Variants in DNAAF11 observed in about 807,000 individuals in gnomAD.
The protein encoded by DNAAF11 is leucine rich repeat containing 6.
DNAAF11 carries 45 observed loss-of-function variants against 60.8 expected under a neutral mutation model. That is an observed-to-expected ratio of 0.74 (90% CI 0.58 to 0.95). The LOEUF (loss-of-function observed/expected upper bound fraction) is 0.95. Among genes scored for constraint, DNAAF11 ranks in the 40% least tolerant of loss-of-function variants. DNAAF11 has a pLI of 0.00. For missense variants in DNAAF11, 546 were observed against 546.2 expected, an observed-to-expected ratio of 1.00 and a Z score of 0.00; for synonymous variants, 191 against 183.5, an observed-to-expected ratio of 1.04 and a Z score of -0.33.
At chr8:132,582,693 A>T (rs1356910216) in intron 11 of DNAAF11, among the ~76,000 whole-genome samples, 1 of 152,248 alleles carries the variant, frequency 6.6e-6, no homozygotes, top group African/African-American at 2.4e-5. Context: ...ACAAAACTTC[A>T]GCAGTTGTCT....
chr8:132,590,961 A>G (rs1225594349), intron 10 of DNAAF11, among the ~76,000 whole-genome samples: 1 of 152,204 alleles, frequency 6.6e-6, no homozygotes, highest in African/African-American at 2.4e-5. Flanking sequence ...ATAACACTCC[A>G]TTTTATGTGT....
Position 132,602,744 on chromosome 8 carries a change from A to AATATAT in DNAAF11, c.1140+7416_1140+7421dup, listed in dbSNP as rs35316805. Among the ~76,000 whole-genome samples, 1,279 of 141,832 alleles carry AATATAT rather than the reference A, an allele frequency of 9.0e-3. 11 individuals carry two copies. Among genetic ancestry groups the AATATAT allele is most frequent in the African/African-American group, 0.029 (1,116 of 38,828 alleles). 93.0% of individuals were successfully genotyped at this position (141,832 alleles called of 152,430 possible). A position where few individuals can be genotyped will look rare whatever the true frequency, so the allele number is the denominator to read the frequency against. On this transcript the variant is annotated intron_variant, in intron 10 of 11. Coordinates refer to ENST00000620350, the MANE Select transcript of DNAAF11 (RefSeq NM_012472.6). ...TTTGCATACTGGATACTTAATTTGA[A>AATATAT]ATATATATATATATATATATATATA...
chr8:132,622,589 C>T (rs566223077), intron 7 of DNAAF11, 22 bp downstream of exon 7: 136 of 1,593,616 alleles, frequency 8.5e-5, no homozygotes, highest in East Asian at 3.6e-4. Flanking sequence ...GGGTCTTTAA[C>T]GCTCTATTTG....
At chr8:132,698,989 C>A in the DNAAF11 span, among the ~76,000 whole-genome samples, 1 of 144,736 alleles carries the variant, frequency 6.9e-6, no homozygotes, top group African/African-American at 2.7e-5. Flanking sequence ...ATTAGCCGGG[C>A]GCCATGGCAG....
At chr8:132,614,890 TATAGTAACTTCTCTGTCTTAACAA>T (rs1818991938) in intron 8 of DNAAF11, 124 bp downstream of exon 8, 1 of 496,588 alleles carries the variant, frequency 2.0e-6, no homozygotes, top group Non-Finnish European at 3.6e-6. Context: ...TTTTAAAAAT[TATAGTAACTTCTCTGTCTTAACAA>T]ATAAGCTTCA....
intron 10 of DNAAF11, among the ~76,000 whole-genome samples, chr8:132,596,940 T>C (rs540083710): frequency 6.6e-6 from 1 of 152,260 alleles, no homozygotes; most frequent in South Asian, 2.1e-4. Flanking sequence ...CTTGAATTGT[T>C]GTCTGATGTT....
At chr8:132,580,503 T>C (rs1815211828) in intron 11 of DNAAF11, among the ~76,000 whole-genome samples, 1 of 152,200 alleles carries the variant, frequency 6.6e-6, no homozygotes, top group African/African-American at 2.4e-5. Context: ...TGCCACCGAA[T>C]TGTACACTTT....
rs145267985 is a variant in DNAAF11, at chr8:132,645,630, C to T, written c.257-7523G>A. Reference sequence around the variant, plus strand: ...ACAAATGGCTAACTAGAATAAACAGCGTAGAGAAGACCTTAAATGACCTGA... The same window carrying T: ...ACAAATGGCTAACTAGAATAAACAGTGTAGAGAAGACCTTAAATGACCTGA... On this transcript the variant is annotated intron_variant, in intron 3 of 11. Coordinates refer to ENST00000620350, the MANE Select transcript of DNAAF11 (RefSeq NM_012472.6). Among the ~76,000 whole-genome samples the T allele has an allele frequency of 2.7e-3, 405 of 152,006 alleles. 1 individual carries two copies. Among genetic ancestry groups the T allele is most frequent in the African/African-American group, 9.0e-3 (372 of 41,456 alleles).
intron 10 of DNAAF11, 44 bp downstream of exon 10, chr8:132,610,122 C>T: frequency 7.2e-7 from 1 of 1,390,224 alleles, no homozygotes; most frequent in Non-Finnish European, 1.0e-6. Context: ...CCTTCAGGAA[C>T]CCTCATATCC....
At position 132,570,676 on chromosome 8, in the gene DNAAF11, G is replaced by A. The variant is rs996667141; in HGVS notation, c.*1630C>T. Among the ~76,000 whole-genome samples the A allele has an allele frequency of 2.6e-5, 4 of 152,148 alleles. No homozygotes were observed. The highest frequency in any genetic ancestry group is 2.9e-5 in the Non-Finnish European group (2 of 68,036). The stretch of plus-strand genomic sequence containing the variant: ...TTATACTCAGTCATTGCCATCAGTC[G>A]CAGTGATGGACAGATGCAGAGGGAC... On this transcript the variant is annotated 3_prime_UTR_variant, in exon 12 of 12. Coordinates refer to ENST00000620350, the MANE Select transcript of DNAAF11 (RefSeq NM_012472.6).
chr8:132,593,801 G>T (rs1816721698), intron 10 of DNAAF11, among the ~76,000 whole-genome samples: 1 of 151,854 alleles, frequency 6.6e-6, no homozygotes. Context: ...AACTCAATGG[G>T]AAAGTAAAAT....
intron 3 of DNAAF11, among the ~76,000 whole-genome samples, chr8:132,652,028 T>G (rs1051020846): frequency 6.6e-6 from 1 of 152,238 alleles, no homozygotes; most frequent in African/African-American, 2.4e-5. Context: ...TTAAAGAATC[T>G]TAATAGTCAC....
At chr8:132,632,200 C>G (rs1043781610) in intron 5 of DNAAF11, among the ~76,000 whole-genome samples, 1 of 151,960 alleles carries the variant, frequency 6.6e-6, no homozygotes, top group African/African-American at 2.4e-5. Context: ...ATACTTAATA[C>G]TTTCACTGTA....
chr8:132,595,348 G>GAAAAAAAAAAAAAAAAAAAA lies in DNAAF11; in HGVS notation c.1141-11589_1141-11570dup, dbSNP rs71306394. ...TCCCGAAAGAGAGAGAGACAGAGGG[G>GAAAAAAAAAAAAAAAAAAAA]AAAAAAAAAAAAAAAAAAAAAAAAA... On this transcript the variant is annotated intron_variant, in intron 10 of 11. Coordinates refer to ENST00000620350, the MANE Select transcript of DNAAF11 (RefSeq NM_012472.6). Among the ~76,000 whole-genome samples the GAAAAAAAAAAAAAAAAAAAA allele has an allele frequency of 1.4e-4, 8 of 57,412 alleles. 1 individual carries two copies. Among genetic ancestry groups the GAAAAAAAAAAAAAAAAAAAA allele is most frequent in the African/African-American group, 9.0e-4 (8 of 8,938 alleles). 37.7% of individuals were successfully genotyped at this position (57,412 alleles called of 152,430 possible).
At chr8:132,630,587 A>C (rs1386174465) in intron 5 of DNAAF11, among the ~76,000 whole-genome samples, 1 of 152,216 alleles carries the variant, frequency 6.6e-6, no homozygotes, top group Non-Finnish European at 1.5e-5. Context: ...ATAATTAAAG[A>C]CAAGTCACAG....
chr8:132,670,913 A>G (rs1465658265), intron 1 of DNAAF11, among the ~76,000 whole-genome samples: 4 of 152,172 alleles, frequency 2.6e-5, no homozygotes, highest in African/African-American at 9.7e-5. Flanking sequence ...CCAATTTTAA[A>G]AAGACAACAA....
intron 3 of DNAAF11, among the ~76,000 whole-genome samples, chr8:132,649,978 G>C (rs1822835188): frequency 6.6e-6 from 1 of 152,184 alleles, no homozygotes; most frequent in African/African-American, 2.4e-5. Flanking sequence ...CAAGGATCTA[G>C]AACTAGAAAT....
At chr8:132,595,034 C>A (rs1340048677) in intron 10 of DNAAF11, among the ~76,000 whole-genome samples, 5 of 152,234 alleles carry the variant, frequency 3.3e-5, no homozygotes, top group Admixed American at 2.6e-4. Flanking sequence ...TCCCCTTCAC[C>A]TTCCACCATG....
Position 132,620,259 on chromosome 8 carries a change from G to T in DNAAF11, c.914+2352C>A, listed in dbSNP as rs963465361. ...TGTGCTGGATTTTCAACAGGTTGGGGTTTTGTGAGGTGAGGATGATGGAAA... is the reference window on the plus strand; with the variant it reads ...TGTGCTGGATTTTCAACAGGTTGGGTTTTTGTGAGGTGAGGATGATGGAAA... On this transcript the variant is annotated intron_variant, in intron 7 of 11. Transcript: ENST00000620350. 2.8e-4 allele frequency among the ~76,000 whole-genome samples: 42 copies of T among 152,088 alleles called. 1 individual carries two copies. Among genetic ancestry groups the T allele is most frequent in the Non-Finnish European group, 8.8e-5 (6 of 68,016 alleles).
Sources: gnomAD v4.1 joint callset for allele counts (sites outside exome capture counted in the v4.1 genomes callset) on GRCh38, gnomAD v4.1.1 for gene constraint, MANE v1.5 for transcripts, NCBI Gene and HGNC (gene_info 2026-07-23, HGNC 2026-07-21) for gene names.